The following SETD5 variants were observed in gnomAD, a reference collection of about 807,000 sequenced individuals.
SETD5 encodes the protein SET domain containing 5.
A neutral mutation model predicts 153.3 loss-of-function variants in SETD5; 44 were observed. The ratio of observed to expected loss-of-function variants is 0.29; its 90% CI spans 0.23 to 0.37. The LOEUF (loss-of-function observed/expected upper bound fraction) is 0.37, where lower values mean the gene tolerates loss of function less well. Among genes scored for constraint, SETD5 ranks in the 10% least tolerant of loss-of-function variants. The pLI is 1.00. For synonymous variants in SETD5, 716 were observed against 645.2 expected (o/e 1.11, Z -1.66); for missense variants, 1,544 against 1,768.0 (o/e 0.87, Z 2.27).
In SETD5 at chr3:9,455,918, C is replaced by CA. The variant is rs554221130; in HGVS notation, c.2476+2051dup. Reference sequence around the variant, plus strand: ...CCCTAGTCTAACAGTGAGAAACACTCACAGGACACACCTTGCCCTTAAAAA... The same window carrying CA: ...CCCTAGTCTAACAGTGAGAAACACTCAACAGGACACACCTTGCCCTTAAAAA... On this transcript the variant is annotated intron_variant, in intron 17 of 22. Coordinates refer to ENST00000402198, the MANE Select transcript of SETD5 (RefSeq NM_001080517.3). Among the ~76,000 whole-genome samples the CA allele has an allele frequency of 3.9e-5, 6 of 152,240 alleles. No individual in the cohort carries two copies. The South Asian group carries it at 1.2e-3, about 32-fold the overall frequency.
At chr3:9,461,383 G>A (rs866448751) in intron 17 of SETD5, among the ~76,000 whole-genome samples, 1 of 152,162 alleles carries the variant, frequency 6.6e-6, no homozygotes, top group Admixed American at 6.5e-5. Flanking sequence ...AGTAGTTTAG[G>A]TAAGGCAAGA....
At chr3:9,431,246 T>C (rs2039927302) in intron 3 of SETD5, 1 of 985,278 alleles carries the variant, frequency 1.0e-6, no homozygotes, top group Non-Finnish European at 1.2e-6. Context: ...CATAACAGAA[T>C]TTCAGGCATT....
At chr3:9,404,545 T>C (rs527314252) in intron 1 of SETD5, among the ~76,000 whole-genome samples, 11 of 152,326 alleles carry the variant, frequency 7.2e-5, no homozygotes, top group African/African-American at 2.6e-4. Context: ...TTCTTTATAA[T>C]TTATTCACAT....
At chr3:9,427,128 C>A (rs1209467910) in intron 2 of SETD5, among the ~76,000 whole-genome samples, 3 of 152,166 alleles carry the variant, frequency 2.0e-5, no homozygotes, top group African/African-American at 7.2e-5. Flanking sequence ...TCAAGTGATC[C>A]TTCCACCTTG....
At chr3:9,426,800 AGTGCTGG>A (rs2039319873) in intron 2 of SETD5, among the ~76,000 whole-genome samples, 1 of 152,116 alleles carries the variant, frequency 6.6e-6, no homozygotes, top group Non-Finnish European at 1.5e-5. Flanking sequence ...AGCCTCCCAA[AGTGCTGG>A]GATGACAGGA....
At chr3:9,432,176 C>T (rs183464837) in intron 3 of SETD5, 3 of 448,436 alleles carry the variant, frequency 6.7e-6, no homozygotes, top group Non-Finnish European at 5.9e-6. Flanking sequence ...ACCCCTCCCC[C>T]GTTCCCATCT....
chr3:9,439,542 A>T (rs1287462755), intron 7 of SETD5, among the ~76,000 whole-genome samples: 1 of 152,204 alleles, frequency 6.6e-6, no homozygotes, highest in East Asian at 1.9e-4. Context: ...GCATGACATC[A>T]TCACTGTCAG....
At chr3:9,431,038 C>G in intron 3 of SETD5, 1 of 985,112 alleles carries the variant, frequency 1.0e-6, no homozygotes, top group Non-Finnish European at 1.2e-6. Flanking sequence ...TTCATCATGC[C>G]TATTTCGCTG....
At chr3:9,415,308 T>C (rs1392325737) in intron 1 of SETD5, among the ~76,000 whole-genome samples, 1 of 152,204 alleles carries the variant, frequency 6.6e-6, no homozygotes, top group Non-Finnish European at 1.5e-5. Context: ...TGTCAAGGCT[T>C]TAAAATCATT....
chr3:9,468,007 A>T (rs185667003), intron 18 of SETD5, among the ~76,000 whole-genome samples: 21 of 151,646 alleles, frequency 1.4e-4, no homozygotes, highest in Admixed American at 1.2e-3. Context: ...CCATCTCCCT[A>T]ACCATGTCAG....
intron 1 of SETD5, among the ~76,000 whole-genome samples, chr3:9,402,820 A>G (rs1053583302): frequency 6.6e-6 from 1 of 152,188 alleles, no homozygotes; most frequent in African/African-American, 2.4e-5. Context: ...AATGGAGGGG[A>G]AAATGCTGAA....
chr3:9,425,051 G>GTTTCT (rs2038948501), intron 2 of SETD5, among the ~76,000 whole-genome samples: 2 of 91,454 alleles, frequency 2.2e-5, no homozygotes, highest in African/African-American at 1.0e-4. Flanking sequence ...TACCGACAAT[G>GTTTCT]TTTCTTTTTT....
intron 19 of SETD5, among the ~76,000 whole-genome samples, chr3:9,471,815 A>G (rs1041512717): frequency 4.6e-5 from 7 of 152,266 alleles, no homozygotes; most frequent in Non-Finnish European, 8.8e-5. Flanking sequence ...TGTCCTGTAT[A>G]GGGGACAGTC....
intron 1 of SETD5, among the ~76,000 whole-genome samples, chr3:9,410,386 A>G (rs552342620): frequency 3.1e-4 from 47 of 152,356 alleles, no homozygotes; most frequent in African/African-American, 1.0e-3. Context: ...GACCATATAT[A>G]GTCAGATTAC....
At chr3:9,471,937 A>G (rs2045346697) in intron 19 of SETD5, among the ~76,000 whole-genome samples, 1 of 152,206 alleles carries the variant, frequency 6.6e-6, no homozygotes, top group Non-Finnish European at 1.5e-5. Flanking sequence ...TTCCAAAATT[A>G]TTTCTAGAAA....
At chr3:9,445,383 A>G (rs750073598) in intron 12 of SETD5, 83 bp downstream of exon 12, 19 of 1,445,322 alleles carry the variant, frequency 1.3e-5, no homozygotes, top group Admixed American at 1.2e-4. Flanking sequence ...TGGTTTAAGT[A>G]GGGGAGCTAT....
intron 1 of SETD5, among the ~76,000 whole-genome samples, chr3:9,404,516 A>G (rs1025133379): frequency 6.6e-6 from 1 of 152,210 alleles, no homozygotes; most frequent in Non-Finnish European, 1.5e-5. Flanking sequence ...TACTACAGAA[A>G]TTTAGGGTAG....
At chr3:9,435,062 T>C (rs995555510) in intron 6 of SETD5, among the ~76,000 whole-genome samples, 180 bp downstream of exon 6, 2 of 152,032 alleles carry the variant, frequency 1.3e-5, no homozygotes, top group African/African-American at 2.4e-5. Context: ...CTGACCAACA[T>C]GGAGAAACCC....
chr3:9,402,823 A>G (rs892212371), intron 1 of SETD5, among the ~76,000 whole-genome samples: 2 of 152,202 alleles, frequency 1.3e-5, no homozygotes, highest in Non-Finnish European at 2.9e-5. Context: ...GGAGGGGAAA[A>G]TGCTGAATTT....
Sources: allele counts gnomAD v4.1 joint callset (sites outside exome capture counted in the v4.1 genomes callset), GRCh38; gene constraint gnomAD v4.1.1; transcripts MANE v1.5; gene names NCBI Gene and HGNC (gene_info 2026-07-23, HGNC 2026-07-21).